The following STX5 variants were observed in gnomAD, a reference collection of about 807,000 sequenced individuals.
STX5 encodes syntaxin 5, also known as syntaxin-5.
STX5 carries 15 observed loss-of-function variants against 42.9 expected under a neutral mutation model. That is an observed-to-expected ratio of 0.35 (90% CI 0.23 to 0.54). The LOEUF (loss-of-function observed/expected upper bound fraction) is 0.54, where lower values mean the gene tolerates loss of function less well. STX5 is among the 20% of genes least tolerant of loss of function. The pLI is 0.91. For synonymous variants in STX5, 184 were observed against 173.2 expected, an observed-to-expected ratio of 1.06 and a Z score of -0.49; for missense variants, 430 against 455.0, an observed-to-expected ratio of 0.95 and a Z score of 0.50.
intron 5 of STX5, among the ~76,000 whole-genome samples, chr11:62,826,772 G>C (rs1376956964): frequency 2.0e-5 from 3 of 150,764 alleles, no homozygotes; most frequent in Middle Eastern, 3.4e-3. Context: ...CCCAGCTACT[G>C]GGGAGGCTGA....
At chr11:62,822,654 A>G (rs1440333029) in intron 10 of STX5, among the ~76,000 whole-genome samples, 1 of 147,516 alleles carries the variant, frequency 6.8e-6, no homozygotes, top group Non-Finnish European at 1.5e-5. Context: ...ACTCCTGATT[A>G]GTTTATCCTG....
chr11:62,825,584 C>G lies in STX5; in HGVS notation c.424-45G>C, dbSNP rs781695306. ...AAAAACAAAGTATTAGCCAAGGAGT[C>G]CTTAGTCAGCATCTCTCACGATGGC... On this transcript the variant is annotated intron_variant, in intron 5 of 10. Coordinates refer to ENST00000294179, the MANE Select transcript of STX5 (RefSeq NM_003164.5). 32 of 1,552,308 alleles carry G rather than the reference C, an allele frequency of 2.1e-5. No homozygotes were observed. In the South Asian group the frequency reaches 3.3e-4, roughly 16 times the overall value.
chr11:62,816,141 C>T (rs1040249088), intron 10 of STX5: 2 of 152,054 alleles, frequency 1.3e-5, no homozygotes, highest in Admixed American at 6.6e-5. Context: ...TTAAGTGTCA[C>T]GATATCGGCA....
intron 2 of STX5, among the ~76,000 whole-genome samples, chr11:62,828,746 TAAAC>T (rs58225409): frequency 1.1e-4 from 16 of 147,166 alleles, no homozygotes; most frequent in African/African-American, 2.1e-4. Context: ...AATAAATAAA[TAAAC>T]AAACAAACAA....
rs2084556247 is a variant in STX5 at position 62,806,958 on chromosome 11, G to A, written c.*511C>T. 6.5e-6 allele frequency: 1 copy of A among 153,460 alleles called. No individual in the cohort carries two copies. The highest frequency in any genetic ancestry group is 1.5e-5 in the Non-Finnish European group (1 of 68,554). 9.5% of individuals were successfully genotyped at this position (153,460 alleles called of 1,614,324 possible). ...AGCTGCAGCACATTTGGCAGATTGA[G>A]TCACCAGCAGCCAATGTCAGGGGTT... On this transcript the variant is annotated 3_prime_UTR_variant, in exon 11 of 11. Coordinates refer to ENST00000294179, the MANE Select transcript of STX5 (RefSeq NM_003164.5).
intron 6 of STX5, 36 bp from the exon 7 acceptor site, chr11:62,825,375 C>A: frequency 6.2e-7 from 1 of 1,614,088 alleles, no homozygotes; most frequent in Non-Finnish European, 8.5e-7. Flanking sequence ...CCAAAGAAGG[C>A]TCCACATTCT....
At chr11:62,823,876 C>T in intron 10 of STX5, 2 of 394,872 alleles carry the variant, frequency 5.1e-6, no homozygotes, top group Non-Finnish European at 9.5e-6. Flanking sequence ...CCACAGCTGT[C>T]CTCATCTGCC....
rs57390432 is a variant in STX5 at position 62,819,220 on chromosome 11, G to GAAAAAAA, written c.908+4939_908+4945dup. 8.4e-4 allele frequency among the ~76,000 whole-genome samples: 25 copies of GAAAAAAA among 29,644 alleles called. 2 individuals carry two copies. Among genetic ancestry groups the GAAAAAAA allele is most frequent in the East Asian group, 2.9e-3 (2 of 700 alleles). 19.4% of individuals were successfully genotyped at this position (29,644 alleles called of 152,430 possible). On this transcript the variant is annotated intron_variant, in intron 10 of 10. Coordinates refer to ENST00000294179, the MANE Select transcript of STX5 (RefSeq NM_003164.5). ...TGGGCAACAGAGTGAGACTCTGTCT[G>GAAAAAAA]AAAAAAAAAAAAAAAAAAAAAAAAA...
Position 62,807,304 on chromosome 11 carries a change from C to A in STX5, c.*165G>T. 8.9e-7 allele frequency: 1 copy of A among 1,121,140 alleles called. No individual in the cohort carries two copies. Among genetic ancestry groups the A allele is most frequent in the Non-Finnish European group, 1.2e-6 (1 of 814,706 alleles). 69.4% of individuals were successfully genotyped at this position (1,121,140 alleles called of 1,614,324 possible). A position where few individuals can be genotyped will look rare whatever the true frequency, so the allele number is the denominator to read the frequency against. ...GGGTGGTGGGGGGAGGACAGGGTGG[C>A]CAGAGGCAAGGGGTGGGGGATCAGG... is the stretch of plus-strand genomic sequence containing the variant. On this transcript the variant is annotated 3_prime_UTR_variant, in exon 11 of 11. Coordinates refer to ENST00000294179, the MANE Select transcript of STX5 (RefSeq NM_003164.5).
At chr11:62,827,436 G>T in intron 3 of STX5, 38 bp from the exon 4 acceptor site, 1 of 1,613,462 alleles carries the variant, frequency 6.2e-7, no homozygotes, top group Non-Finnish European at 8.5e-7. Context: ...GGAAAGGGCA[G>T]GACGCCTTTT....
At chr11:62,823,608 C>T (rs563032458) in intron 10 of STX5, among the ~76,000 whole-genome samples, 7 of 152,236 alleles carry the variant, frequency 4.6e-5, no homozygotes, top group South Asian at 4.1e-4. Flanking sequence ...TGCAGTGGCA[C>T]GATCTTGGCT....
At chr11:62,829,099 C>T (rs760008807) in intron 2 of STX5, among the ~76,000 whole-genome samples, 1 of 151,632 alleles carries the variant, frequency 6.6e-6, no homozygotes, top group Non-Finnish European at 1.5e-5. Context: ...CAAACACAAA[C>T]TGCTTACTCG....
chr11:62,831,266 T>C lies in STX5; in HGVS notation c.-19-4A>G, dbSNP rs974177242. ...CATTGAGACGCATAACCTCGGACTGTTGTGGAGGGGAGAGTGTCATTCCCC... is the reference window on the plus strand; with the variant it reads ...CATTGAGACGCATAACCTCGGACTGCTGTGGAGGGGAGAGTGTCATTCCCC... On this transcript the variant is annotated splice_polypyrimidine_tract_variant and splice_region_variant and intron_variant, in intron 1 of 10. Transcript: ENST00000294179. The C allele has an allele frequency of 4.5e-6, 7 of 1,543,450 alleles. No individual in the cohort carries two copies. Among genetic ancestry groups the C allele is most frequent in the Middle Eastern group, 1.9e-4 (1 of 5,196 alleles).
chr11:62,823,930 G>T, intron 10 of STX5: 2 of 560,134 alleles, frequency 3.6e-6, no homozygotes, highest in South Asian at 2.0e-5. Context: ...AGCAGCTCCA[G>T]ACAGACTTTA....
chr11:62,829,095 C>T (rs73487819), intron 2 of STX5, among the ~76,000 whole-genome samples: 1 of 148,614 alleles, frequency 6.7e-6, no homozygotes, highest in Non-Finnish European at 1.5e-5. Context: ...CAAACAAACA[C>T]AAACTGCTTA....
At position 62,807,526 on chromosome 11, in the gene STX5, G is replaced by A. The variant is rs148194323; in HGVS notation, c.1011C>T (p.Val337=). 1 of 1,614,092 alleles carries A rather than the reference G, an allele frequency of 6.2e-7. No individual in the cohort carries two copies. The highest frequency in any genetic ancestry group is 1.3e-5 in the African/African-American group (1 of 75,050). ...QSVTSNRWLM[V]KIFLILIVFF... ...AGACAATGAGGATGAGGAAGATTTT[G>A]ACCATGAGCCACCGGTTGGAGGTGA... The change falls in exon 11 of 11, where the codon GTC becomes GTT. Residue 337 remains valine (V), a synonymous_variant. Coordinates refer to ENST00000294179, the MANE Select transcript of STX5 (RefSeq NM_003164.5).
intron 10 of STX5, among the ~76,000 whole-genome samples, chr11:62,818,637 A>G (rs577378865): frequency 5.3e-5 from 8 of 150,318 alleles, no homozygotes; most frequent in African/African-American, 2.0e-4. Context: ...AGATTTCTTG[A>G]GCCCAGGAGT....
Position 62,824,247 on chromosome 11 carries a change from A to T in STX5, c.827T>A (p.Ile276Asn). The T allele has an allele frequency of 6.2e-7, 1 of 1,614,118 alleles. No individual in the cohort carries two copies. Among genetic ancestry groups the T allele is most frequent in the Non-Finnish European group, 8.5e-7 (1 of 1,180,024 alleles). Residue 276 changes from isoleucine (I) to asparagine (N), a missense_variant, in exon 10 of 11, where the codon ATT (isoleucine) becomes AAT (asparagine). Physicochemically the swap from Ile to Asn is moderately radical, Grantham distance 149. Coordinates refer to ENST00000294179, the MANE Select transcript of STX5 (RefSeq NM_003164.5). ...GCCCAACTCAACAATTGTCGACTCAATGTTCTGCATGGTGTCTGCCCGACT... is the reference window on the plus strand; with the variant it reads ...GCCCAACTCAACAATTGTCGACTCATTGTTCTGCATGGTGTCTGCCCGACT... The part of the protein sequence containing the change: ...IQSRADTMQN[I>N]ESTIVELGSI...
At chr11:62,827,698 C>T in intron 2 of STX5, 67 bp from the exon 3 acceptor site, 1 of 1,540,078 alleles carries the variant, frequency 6.5e-7, no homozygotes, top group Non-Finnish European at 9.0e-7. Context: ...TTCACTCTTC[C>T]TGAGGTGTCC....
Sources: allele counts gnomAD v4.1 joint callset (sites outside exome capture counted in the v4.1 genomes callset), GRCh38; gene constraint gnomAD v4.1.1; transcripts MANE v1.5; gene names NCBI Gene and HGNC (gene_info 2026-07-23, HGNC 2026-07-21).